Variants in AKAP13 observed in about 807,000 individuals in gnomAD.
The protein encoded by AKAP13 is A-kinase anchor protein 13.
AKAP13 carries 80 observed loss-of-function variants against 264.5 expected under a neutral mutation model. The ratio of observed to expected loss-of-function variants is 0.30; its 90% CI spans 0.25 to 0.36. AKAP13 has a LOEUF of 0.36. Among genes scored for constraint, AKAP13 ranks in the 10% least tolerant of loss-of-function variants. The pLI is 1.00. For missense variants in AKAP13, 3,712 were observed against 3,435.2 expected (o/e 1.08, Z -2.01); for synonymous variants, 1,380 against 1,250.2 (o/e 1.10, Z -2.19).
intron 12 of AKAP13, among the ~76,000 whole-genome samples, chr15:85,659,442 A>T (rs1042504527): frequency 1.3e-5 from 2 of 152,202 alleles, no homozygotes; most frequent in African/African-American, 4.8e-5. Context: ...TTTCAAGTGG[A>T]TGCTTTCTTT....
chr15:85,658,232 A>G (rs901282382), intron 11 of AKAP13, among the ~76,000 whole-genome samples: 2 of 152,178 alleles, frequency 1.3e-5, no homozygotes, highest in African/African-American at 4.8e-5. Flanking sequence ...AAGTGTTAAG[A>G]AAAACCCCTT....
intron 5 of AKAP13, among the ~76,000 whole-genome samples, chr15:85,550,405 T>C (rs1212860830): frequency 1.3e-5 from 2 of 152,230 alleles, no homozygotes; most frequent in African/African-American, 4.8e-5. Context: ...TTTACTGTAG[T>C]GGGCACTATT....
Position 85,562,283 on chromosome 15 carries a change from G to A in AKAP13, c.663-12848G>A, listed in dbSNP as rs988356258. ...TATGCATATTAAGAATATATATCTC[G>A]GCCGGGCGTGGTGGCTCACACCTGT... is the stretch of plus-strand genomic sequence containing the variant. On this transcript the variant is annotated intron_variant, in intron 5 of 36. Coordinates refer to ENST00000394518, the MANE Select transcript of AKAP13 (RefSeq NM_007200.5). Among the ~76,000 whole-genome samples, 8 of 151,942 alleles carry A rather than the reference G, an allele frequency of 5.3e-5. No homozygotes were observed. In the East Asian group the frequency reaches 9.6e-4, roughly 18 times the overall value.
rs78221720 is a variant in AKAP13, at chr15:85,414,697, A to G, written c.-12+33899A>G. ...GAGTGCCTTCTCCTGGTGTGGATGC[A>G]TTTCTAAGATGAATAGTTAATTTGT... On this transcript the variant is annotated intron_variant, in intron 1 of 36. Coordinates refer to ENST00000394518, the MANE Select transcript of AKAP13 (RefSeq NM_007200.5). Among the ~76,000 whole-genome samples, 326 of 152,314 alleles carry G rather than the reference A, an allele frequency of 2.1e-3. 3 individuals carry two copies. Among genetic ancestry groups the G allele is most frequent in the African/African-American group, 7.5e-3 (313 of 41,564 alleles).
chr15:85,676,281 C>G (rs961908009), intron 14 of AKAP13, among the ~76,000 whole-genome samples: 2 of 152,096 alleles, frequency 1.3e-5, no homozygotes, highest in African/African-American at 4.8e-5. Flanking sequence ...AGAGCAGTGG[C>G]AATAGGGGAG....
intron 1 of AKAP13, among the ~76,000 whole-genome samples, chr15:85,398,283 A>G (rs757940291): frequency 2.0e-5 from 3 of 152,230 alleles, no homozygotes; most frequent in Admixed American, 6.5e-5. Flanking sequence ...TATGAAAGAC[A>G]TTTTTAATAA....
In AKAP13 at chr15:85,399,489, C is replaced by T. The variant is rs1284505592; in HGVS notation, c.-12+18691C>T. Among the ~76,000 whole-genome samples the T allele has an allele frequency of 6.8e-5, 7 of 103,358 alleles. 1 individual carries two copies. Among genetic ancestry groups the T allele is most frequent in the Middle Eastern group, 7.6e-3 (1 of 132 alleles). 67.8% of individuals were successfully genotyped at this position (103,358 alleles called of 152,430 possible). ...CCGCAGTCCGGCCTGGGCGACAGAG[C>T]GAGACTCCGTCTCAAAAAAAAAAAA... On this transcript the variant is annotated intron_variant, in intron 1 of 36. Transcript: ENST00000394518.
chr15:85,738,965 TC>T (rs2088759921), intron 33 of AKAP13, among the ~76,000 whole-genome samples: 1 of 152,236 alleles, frequency 6.6e-6, no homozygotes, highest in African/African-American at 2.4e-5. Flanking sequence ...TAGCAATACT[TC>T]GTAGAGCTTC....
intron 1 of AKAP13, among the ~76,000 whole-genome samples, chr15:85,384,459 G>T (rs565780453): frequency 1.3e-5 from 2 of 152,220 alleles, no homozygotes; most frequent in Admixed American, 1.3e-4. Flanking sequence ...GCTCACGCCT[G>T]TAATCCCAGC....
At chr15:85,440,250 T>G (rs2073578074) in intron 1 of AKAP13, among the ~76,000 whole-genome samples, 3 of 152,180 alleles carry the variant, frequency 2.0e-5, no homozygotes, top group Non-Finnish European at 4.4e-5. Flanking sequence ...GACTAGCAGG[T>G]CCTCAGCTAG....
At chr15:85,495,683 G>A (rs2075851493) in intron 2 of AKAP13, among the ~76,000 whole-genome samples, 1 of 152,164 alleles carries the variant, frequency 6.6e-6, no homozygotes, top group African/African-American at 2.4e-5. Flanking sequence ...CCTGCCATAT[G>A]TTTGGGATAA....
rs747285684 is a variant in AKAP13 at position 85,639,396 on chromosome 15, C to A, written c.4184C>A (p.Thr1395Lys). The stretch of plus-strand genomic sequence containing the variant: ...CAGATAAACCGAGAAAACTGGTGTA[C>A]AATAGAGCCATGCCCTGATGCAGCA... ...TQAINRENWC[T>K]IEPCPDAASL... Residue 1395 changes from threonine to lysine, a missense_variant, in exon 9 of 37, where the codon ACA becomes AAA. This residue lies in a region of AKAP13 where 2,759 missense variants were observed against 2,411.7 expected (regional missense o/e 1.14). Coordinates refer to ENST00000394518, the MANE Select transcript of AKAP13 (RefSeq NM_007200.5). 1 of 1,611,984 alleles carries A rather than the reference C, an allele frequency of 6.2e-7. No homozygotes were observed. Among genetic ancestry groups the A allele is most frequent in the Non-Finnish European group, 8.5e-7 (1 of 1,179,228 alleles).
chr15:85,389,814 C>T (rs2070763284), intron 1 of AKAP13: 1 of 152,180 alleles, frequency 6.6e-6, no homozygotes, highest in Admixed American at 6.5e-5. Flanking sequence ...ATTTTCTGTC[C>T]CCCCGTGGGG....
intron 14 of AKAP13, among the ~76,000 whole-genome samples, chr15:85,680,849 G>A (rs575507438): frequency 3.4e-4 from 51 of 152,216 alleles, no homozygotes; most frequent in African/African-American, 1.2e-3. Flanking sequence ...ATGGAATCTC[G>A]CTCTGTTACC....
chr15:85,384,711 C>T (rs1192723661), intron 1 of AKAP13, among the ~76,000 whole-genome samples: 13 of 140,706 alleles, frequency 9.2e-5, no homozygotes, highest in East Asian at 8.0e-4. Context: ...AGCGAGACTC[C>T]GTCTGAAAAA....
intron 36 of AKAP13, chr15:85,744,283 C>T: frequency 3.2e-6 from 1 of 315,240 alleles, no homozygotes; most frequent in Admixed American, 4.8e-5. Flanking sequence ...GGCTGAATTC[C>T]ACTAAATGCC....
intron 26 of AKAP13, among the ~76,000 whole-genome samples, chr15:85,723,603 C>T (rs117935892): frequency 6.6e-6 from 1 of 152,190 alleles, no homozygotes; most frequent in Non-Finnish European, 1.5e-5. Context: ...AAGATTGGTG[C>T]ACATATGCAA....
At chr15:85,533,063 T>C (rs2077291004) in intron 3 of AKAP13, among the ~76,000 whole-genome samples, 1 of 152,256 alleles carries the variant, frequency 6.6e-6, no homozygotes, top group Admixed American at 6.5e-5. Context: ...CAAGTAATTA[T>C]GTACTTTTCC....
At chr15:85,446,508 A>T (rs140044324) in intron 1 of AKAP13, among the ~76,000 whole-genome samples, 1 of 152,274 alleles carries the variant, frequency 6.6e-6, no homozygotes, top group East Asian at 1.9e-4. Flanking sequence ...GCACTTGGCA[A>T]TTAGGTTATG....
Sources: allele counts gnomAD v4.1 joint callset (sites outside exome capture counted in the v4.1 genomes callset), GRCh38; gene constraint gnomAD v4.1.1; regional missense constraint gnomAD v4.1.1; transcripts MANE v1.5; gene names NCBI Gene and HGNC (gene_info 2026-07-23, HGNC 2026-07-21).